The following RFX6 variants were observed in gnomAD, a reference collection of about 807,000 sequenced individuals.
The protein encoded by RFX6 is regulatory factor X6.
RFX6 carries 50 observed loss-of-function variants against 110.8 expected under a neutral mutation model. That is an observed-to-expected ratio of 0.45 (90% CI 0.36 to 0.57). RFX6 has a LOEUF of 0.57. RFX6 is among the 20% of genes least tolerant of loss of function. The pLI is 0.00. For synonymous variants in RFX6, 383 were observed against 411.2 expected, an observed-to-expected ratio of 0.93 and a Z score of 0.83; for missense variants, 990 against 1,127.0, an observed-to-expected ratio of 0.88 and a Z score of 1.74.
chr6:116,931,661 G>A lies in RFX6; in HGVS notation c.*155G>A, dbSNP rs1775888711. The A allele has an allele frequency of 1.6e-6, 1 of 612,450 alleles. No homozygotes were observed. Among genetic ancestry groups the A allele is most frequent in the Non-Finnish European group, 2.9e-6 (1 of 346,992 alleles). The allele number at this position is 612,450 out of a possible 1,614,324, so 37.9% of individuals were successfully genotyped here. A position where few individuals can be genotyped will look rare whatever the true frequency, so the allele number is the denominator to read the frequency against. ...CTGGTACTATGGACAACTCCATAGTGAATGGAGATACTTGCAGAGCTTGTC... is the reference window on the plus strand; with the variant it reads ...CTGGTACTATGGACAACTCCATAGTAAATGGAGATACTTGCAGAGCTTGTC... On this transcript the variant is annotated 3_prime_UTR_variant, in exon 19 of 19. Coordinates refer to ENST00000332958, the MANE Select transcript of RFX6 (RefSeq NM_173560.4).
At chr6:116,879,605 TC>T (rs893023930) in intron 2 of RFX6, among the ~76,000 whole-genome samples, 2 of 151,926 alleles carry the variant, frequency 1.3e-5, no homozygotes, top group Non-Finnish European at 2.9e-5. Flanking sequence ...AAGGGTTTCA[TC>T]CAATTTTAAT....
Position 116,918,041 on chromosome 6 carries a change from T to C in RFX6, c.977T>C (p.Leu326Pro). Residue 326 changes from leucine to proline, a missense_variant, in exon 10 of 19, where the codon CTT (leucine) becomes CCT (proline). Leu to Pro is a moderately conservative substitution (Grantham distance 98, BLOSUM62 -3). This residue lies in a region of RFX6 where 243 missense variants were observed against 353.1 expected (regional missense o/e 0.69). Coordinates refer to ENST00000332958, the MANE Select transcript of RFX6 (RefSeq NM_173560.4). Reference protein sequence around the residue: ...CVCDSILYKVLTDVLIPATMQ... With the variant: ...CVCDSILYKVPTDVLIPATMQ... Reference sequence around the variant, plus strand: ...ACCTCTTTTGCTATGATTAAGGTTCTTACAGATGTACTCATTCCTGCAACA... The same window carrying C: ...ACCTCTTTTGCTATGATTAAGGTTCCTACAGATGTACTCATTCCTGCAACA... 6.2e-7 allele frequency: 1 copy of C among 1,604,406 alleles called. No individual in the cohort carries two copies. The highest frequency in any genetic ancestry group is 8.5e-7 in the Non-Finnish European group (1 of 1,172,164).
chr6:116,917,985 C>G, intron 9 of RFX6, 52 bp from the exon 10 acceptor site: 1 of 1,284,538 alleles, frequency 7.8e-7, no homozygotes, highest in Non-Finnish European at 1.1e-6. Flanking sequence ...ATATGTCTTT[C>G]TATAGAAATA....
intron 7 of RFX6, among the ~76,000 whole-genome samples, chr6:116,914,560 A>G (rs912950476): frequency 6.6e-6 from 1 of 152,262 alleles, no homozygotes; most frequent in Non-Finnish European, 1.5e-5. Context: ...TGCCTGAAAT[A>G]TAGAGCAATT....
intron 9 of RFX6, 78 bp from the exon 10 acceptor site, chr6:116,917,959 A>C (rs1775504927): frequency 1.1e-5 from 11 of 968,620 alleles, no homozygotes; most frequent in Non-Finnish European, 1.8e-5. Context: ...TAGGAATAAA[A>C]AGTAGTTGAC....
rs117760897 is a variant in RFX6, at chr6:116,921,619, G to A, written c.1328-423G>A. On this transcript the variant is annotated intron_variant, in intron 12 of 18. Transcript: ENST00000332958. Reference sequence around the variant, plus strand: ...GATTGCTTGATCCCAGGAGTTCAAGGCCAGCCTGGGCAACACAGCAAGACC... The same window carrying A: ...GATTGCTTGATCCCAGGAGTTCAAGACCAGCCTGGGCAACACAGCAAGACC... Among the ~76,000 whole-genome samples the A allele has an allele frequency of 9.6e-3, 1,450 of 151,818 alleles. 10 individuals are homozygous for A. The highest frequency in any genetic ancestry group is 0.016 in the Non-Finnish European group (1,092 of 67,950).
chr6:116,887,017 C>T (rs1339844069), intron 4 of RFX6, among the ~76,000 whole-genome samples: 1 of 151,946 alleles, frequency 6.6e-6, no homozygotes, highest in Non-Finnish European at 1.5e-5. Flanking sequence ...GAGCTGAGAT[C>T]GCACCACTGC....
At chr6:116,896,121 G>A (rs139607133) in intron 6 of RFX6, among the ~76,000 whole-genome samples, 1 of 152,242 alleles carries the variant, frequency 6.6e-6, no homozygotes, top group East Asian at 1.9e-4. Flanking sequence ...ATACACTTTG[G>A]TTGAGTAAAG....
chr6:116,916,208 A>AT lies in RFX6; in HGVS notation c.872dup (p.Leu291PhefsTer10). The AT allele has an allele frequency of 6.2e-7, 1 of 1,611,818 alleles. No homozygotes were observed. The highest frequency in any genetic ancestry group is 8.5e-7 in the Non-Finnish European group (1 of 1,178,304). ...TTTTTACTCTGCAACTAGATCCAGCATTTTTTATTACACTTTTGGCAAGGA... is the reference window on the plus strand; with the variant it reads ...TTTTTACTCTGCAACTAGATCCAGCATTTTTTTATTACACTTTTGGCAAGGA... On this transcript the variant is annotated frameshift_variant, in exon 9 of 19. Transcript: ENST00000332958. LOFTEE classifies it high-confidence loss of function.
chr6:116,892,842 C>T (rs1774861073), intron 4 of RFX6, among the ~76,000 whole-genome samples: 1 of 152,038 alleles, frequency 6.6e-6, no homozygotes. Flanking sequence ...CGTCCTGGAT[C>T]CTGAAAATGC....
chr6:116,924,546 G>C (rs1414665060), intron 14 of RFX6, 123 bp from the exon 15 acceptor site: 13 of 869,034 alleles, frequency 1.5e-5, no homozygotes, highest in Non-Finnish European at 2.3e-5. Flanking sequence ...TATTTCAGTT[G>C]CTCCTTGTAA....
intron 2 of RFX6, among the ~76,000 whole-genome samples, chr6:116,880,268 A>T (rs1373828071): frequency 6.6e-6 from 1 of 152,060 alleles, no homozygotes; most frequent in East Asian, 1.9e-4. Context: ...TGAGGTTTAT[A>T]TAGAAGACCT....
chr6:116,928,775 C>T lies in RFX6; in HGVS notation c.2415C>T (p.Asn805=). Residue 805 remains asparagine, a synonymous_variant, in exon 18 of 19, where the codon AAC becomes AAT. Coordinates refer to ENST00000332958, the MANE Select transcript of RFX6 (RefSeq NM_173560.4). The part of the protein sequence containing the change: ...PNSPNGYYGS[N]INYPESHRLG... ...CTGTTACAGGATACTATGGAAGCAACATAAACTACCCAGAGTCTCACAGGC... is the reference window on the plus strand; with the variant it reads ...CTGTTACAGGATACTATGGAAGCAATATAAACTACCCAGAGTCTCACAGGC... 6.2e-7 allele frequency: 1 copy of T among 1,612,918 alleles called. No individual in the cohort carries two copies. The highest frequency in any genetic ancestry group is 8.5e-7 in the Non-Finnish European group (1 of 1,178,896).
chr6:116,928,615 C>T, intron 17 of RFX6, 144 bp from the exon 18 acceptor site: 1 of 687,758 alleles, frequency 1.5e-6, no homozygotes, highest in Non-Finnish European at 2.7e-6. Flanking sequence ...AGCACAAATC[C>T]AGTTCTGTAG....
intron 18 of RFX6, among the ~76,000 whole-genome samples, chr6:116,930,739 T>C (rs1479368547): frequency 3.9e-5 from 6 of 151,986 alleles, no homozygotes; most frequent in Admixed American, 3.9e-4. Flanking sequence ...AAAAAATCAA[T>C]GGGCAGAGAG....
At chr6:116,909,418 T>C (rs1360883708) in intron 6 of RFX6, among the ~76,000 whole-genome samples, 3 of 152,062 alleles carry the variant, frequency 2.0e-5, no homozygotes, top group Non-Finnish European at 4.4e-5. Context: ...TTAAGTTATT[T>C]ATTTTCTTGT....
chr6:116,885,119 T>G (rs1467961358), intron 4 of RFX6: 1 of 152,182 alleles, frequency 6.6e-6, no homozygotes, highest in African/African-American at 2.4e-5. Flanking sequence ...AAAGGCAGTA[T>G]AGCCTAATGG....
Position 116,911,001 on chromosome 6 carries a change from G to A in RFX6, c.739G>A (p.Ala247Thr), listed in dbSNP as rs766254819. 4.3e-6 allele frequency: 7 copies of A among 1,613,204 alleles called. No individual in the cohort carries two copies. Among genetic ancestry groups the A allele is most frequent in the Non-Finnish European group, 5.9e-6 (7 of 1,179,420 alleles). Residue 247 changes from alanine (A) to threonine (T), a missense_variant, in exon 7 of 19, where the codon GCT becomes ACT. Transcript: ENST00000332958. ...TGTLLPEFPS[A>T]QHLVYQGCIS... ...AACACTTCTTCCAGAATTCCCCAGCGCTCAACACCTTGTATACCAAGGATG... is the reference window on the plus strand; with the variant it reads ...AACACTTCTTCCAGAATTCCCCAGCACTCAACACCTTGTATACCAAGGATG...
chr6:116,918,558 C>CA lies in RFX6; in HGVS notation c.1022+484dup, dbSNP rs200371571. Among the ~76,000 whole-genome samples the CA allele has an allele frequency of 1.2e-3, 119 of 103,286 alleles. No homozygotes were observed. In the Middle Eastern group the frequency reaches 0.02, roughly 18 times the overall value. The allele number at this position is 103,286 out of a possible 152,430, so 67.8% of individuals were successfully genotyped here. A position where few individuals can be genotyped will look rare whatever the true frequency, so the allele number is the denominator to read the frequency against. On this transcript the variant is annotated intron_variant, in intron 10 of 18. Coordinates refer to ENST00000332958, the MANE Select transcript of RFX6 (RefSeq NM_173560.4). ...ATTGAAACAATACCAGAAGATTTTT[C>CA]AAAAAAAAAAAACCTTTTCAATATA...
Sources: allele counts gnomAD v4.1 joint callset (sites outside exome capture counted in the v4.1 genomes callset), GRCh38; gene constraint gnomAD v4.1.1; regional missense constraint gnomAD v4.1.1; transcripts MANE v1.5; gene names NCBI Gene and HGNC (gene_info 2026-07-23, HGNC 2026-07-21).